Variants in CFAP20 observed in about 807,000 individuals in gnomAD.
CFAP20 encodes cilia and flagella associated protein 20.
A neutral mutation model predicts 25.5 loss-of-function variants in CFAP20; 14 were observed. That is an observed-to-expected ratio of 0.55 (90% CI 0.36 to 0.86). The LOEUF is 0.86. CFAP20 is among the 40% of genes least tolerant of loss of function. CFAP20 has a pLI of 0.01. For missense variants in CFAP20, 181 were observed against 248.0 expected, an observed-to-expected ratio of 0.73 and a Z score of 1.81; for synonymous variants, 75 against 91.1, an observed-to-expected ratio of 0.82 and a Z score of 1.01.
chr16:58,128,306 T>A (rs74019802), intron 1 of CFAP20, among the ~76,000 whole-genome samples: 10,526 of 152,270 alleles, frequency 0.069, 426 homozygotes, highest in South Asian at 0.2. Context: ...CTGAGTTTAT[T>A]AATCCAAACA....
chr16:58,115,672 T>C lies in CFAP20; in HGVS notation c.277-215A>G, dbSNP rs1280635318. ...TTGCCAAGACAACACCAGCTGCTTA[T>C]GACATATAACACAGTCAGCAGGCTC... On this transcript the variant is annotated intron_variant, in intron 3 of 5. Coordinates refer to ENST00000262498, the MANE Select transcript of CFAP20 (RefSeq NM_013242.3). 2.0e-5 allele frequency: 12 copies of C among 604,996 alleles called. No individual in the cohort carries two copies. The East Asian group carries it at 3.1e-4, about 16-fold the overall frequency. The allele number at this position is 604,996 out of a possible 1,614,324, so 37.5% of individuals were successfully genotyped here.
rs368336221 is a variant in CFAP20 at position 58,116,969 on chromosome 16, C to G, written c.85-18G>C. The stretch of plus-strand genomic sequence containing the variant: ...TTCCGTACCTACAAGAAAGAAAATT[C>G]GATTAGTACTGAAATATCTGACAAG... On this transcript the variant is annotated intron_variant, in intron 1 of 5. Coordinates refer to ENST00000262498, the MANE Select transcript of CFAP20 (RefSeq NM_013242.3). The G allele has an allele frequency of 6.2e-7, 1 of 1,607,230 alleles. No homozygotes were observed. The highest frequency in any genetic ancestry group is 1.3e-5 in the African/African-American group (1 of 74,752).
Position 58,114,831 on chromosome 16 carries a change from G to C in CFAP20, c.555C>G (p.Leu185=). 1 of 1,613,848 alleles carries C rather than the reference G, an allele frequency of 6.2e-7. No individual in the cohort carries two copies. The highest frequency in any genetic ancestry group is 8.5e-7 in the Non-Finnish European group (1 of 1,179,718). ...DELPAEFKLY[L]PVQNKAKQ ...TTACCTTTGCCTTGTTCTGAACTGG[G>C]AGATACAGTTTGAACTCTGCCGGCA... is the stretch of plus-strand genomic sequence containing the variant. Residue 185 remains leucine, a synonymous_variant, in exon 5 of 6, where the codon CTC becomes CTG. Coordinates refer to ENST00000262498, the MANE Select transcript of CFAP20 (RefSeq NM_013242.3).
chr16:58,118,316 C>A (rs1471494438), intron 1 of CFAP20, among the ~76,000 whole-genome samples: 1 of 151,138 alleles, frequency 6.6e-6, no homozygotes, highest in Non-Finnish European at 1.5e-5. Context: ...ATTGTTTCTA[C>A]AAAAAATTAG....
chr16:58,120,872 CA>C (rs1368052223), intron 1 of CFAP20, among the ~76,000 whole-genome samples: 1 of 152,152 alleles, frequency 6.6e-6, no homozygotes, highest in Admixed American at 6.5e-5. Flanking sequence ...AGCTTTTCCC[CA>C]AGAGACTGTT....
intron 2 of CFAP20, chr16:58,116,590 T>A: frequency 2.1e-6 from 1 of 473,066 alleles, no homozygotes; most frequent in East Asian, 3.4e-5. Context: ...AATACTGACA[T>A]CGTGCTTACT....
intron 3 of CFAP20, 90 bp downstream of exon 3, chr16:58,115,951 G>A: frequency 1.1e-6 from 1 of 886,958 alleles, no homozygotes; most frequent in South Asian, 1.6e-5. Context: ...AAAGGATAAA[G>A]ATACTTTGTA....
intron 1 of CFAP20, among the ~76,000 whole-genome samples, chr16:58,127,157 G>C (rs1053842236): frequency 6.6e-6 from 1 of 152,164 alleles, no homozygotes; most frequent in African/African-American, 2.4e-5. Flanking sequence ...GGGACACAGT[G>C]CACCATGGTT....
intron 1 of CFAP20, among the ~76,000 whole-genome samples, chr16:58,121,448 A>G (rs898751054): frequency 3.9e-5 from 6 of 152,138 alleles, no homozygotes; most frequent in African/African-American, 1.4e-4. Context: ...TTGATTTGTT[A>G]ATTCTTTTTC....
At chr16:58,122,786 A>T (rs1027048891) in intron 1 of CFAP20, among the ~76,000 whole-genome samples, 4 of 152,170 alleles carry the variant, frequency 2.6e-5, no homozygotes, top group African/African-American at 9.6e-5. Context: ...AATGTAGGAA[A>T]TTTTTTCTGA....
chr16:58,126,416 A>T (rs967168194), intron 1 of CFAP20, among the ~76,000 whole-genome samples: 2 of 152,206 alleles, frequency 1.3e-5, no homozygotes, highest in Admixed American at 1.3e-4. Flanking sequence ...ATTCACTGGT[A>T]CTGTGAATAC....
At chr16:58,120,028 C>T (rs1450808601) in intron 1 of CFAP20, among the ~76,000 whole-genome samples, 1 of 152,236 alleles carries the variant, frequency 6.6e-6, no homozygotes, top group Non-Finnish European at 1.5e-5. Flanking sequence ...GCCCACCTCA[C>T]TCGCCATCTC....
chr16:58,125,437 C>T (rs1960598801), intron 1 of CFAP20, among the ~76,000 whole-genome samples: 1 of 152,198 alleles, frequency 6.6e-6, no homozygotes, highest in Non-Finnish European at 1.5e-5. Context: ...GTAATTCTAG[C>T]ACTTTGGGAG....
At chr16:58,124,023 G>A (rs1167811281) in intron 1 of CFAP20, among the ~76,000 whole-genome samples, 1 of 152,208 alleles carries the variant, frequency 6.6e-6, no homozygotes, top group Non-Finnish European at 1.5e-5. Flanking sequence ...GCAGCGCCCA[G>A]CAGAAGGACC....
intron 3 of CFAP20, 75 bp from the exon 4 acceptor site, chr16:58,115,532 C>T: frequency 6.6e-7 from 1 of 1,523,798 alleles, no homozygotes; most frequent in Non-Finnish European, 8.9e-7. Context: ...AGACAAGGAC[C>T]TGAATTCCCA....
chr16:58,117,593 C>T (rs1960475080), intron 1 of CFAP20, among the ~76,000 whole-genome samples: 1 of 151,470 alleles, frequency 6.6e-6, no homozygotes, highest in Non-Finnish European at 1.5e-5. Flanking sequence ...CATGCCCAGC[C>T]GATTTTTTTT....
chr16:58,115,908 G>A, intron 3 of CFAP20, 133 bp downstream of exon 3: 1 of 616,930 alleles, frequency 1.6e-6, no homozygotes, highest in Non-Finnish European at 2.8e-6. Flanking sequence ...GACTGCACTG[G>A]GCTTATACTA....
intron 1 of CFAP20, among the ~76,000 whole-genome samples, chr16:58,126,040 T>C (rs1960606207): frequency 6.6e-6 from 1 of 152,194 alleles, no homozygotes; most frequent in Non-Finnish European, 1.5e-5. Context: ...TGAATCTTCA[T>C]AACCGTGAGA....
chr16:58,128,930 C>T, intron 1 of CFAP20, 102 bp downstream of exon 1: 1 of 1,330,226 alleles, frequency 7.5e-7, no homozygotes, highest in Non-Finnish European at 1.0e-6. Context: ...CTCTCGGCCT[C>T]TCCCAGGCCC....
Sources: allele counts gnomAD v4.1 joint callset (sites outside exome capture counted in the v4.1 genomes callset), GRCh38; gene constraint gnomAD v4.1.1; transcripts MANE v1.5; gene names NCBI Gene and HGNC (gene_info 2026-07-23, HGNC 2026-07-21).